Variants in KHDRBS2 observed in about 807,000 individuals in gnomAD.
The protein encoded by KHDRBS2 is KH domain-containing, RNA-binding, signal transduction-associated protein 2.
A neutral mutation model predicts 44.3 loss-of-function variants in KHDRBS2; 26 were observed. The observed-to-expected ratio is 0.59, with a 90% CI of 0.43 to 0.81. The LOEUF (loss-of-function observed/expected upper bound fraction) is 0.81. Among genes scored for constraint, KHDRBS2 ranks in the 40% least tolerant of loss-of-function variants. The pLI is 0.00. For missense variants in KHDRBS2, 476 were observed against 433.1 expected (o/e 1.10, Z -0.88); for synonymous variants, 194 against 151.1 (o/e 1.28, Z -2.08).
the KHDRBS2 span, among the ~76,000 whole-genome samples, chr6:61,617,010 G>A: frequency 6.6e-6 from 1 of 151,868 alleles, no homozygotes; most frequent in African/African-American, 2.4e-5. Context: ...TGGAACATTG[G>A]AATGAGATCA....
At chr6:61,926,204 A>G (rs766806411) in intron 4 of KHDRBS2, among the ~76,000 whole-genome samples, 5 of 152,176 alleles carry the variant, frequency 3.3e-5, no homozygotes, top group Non-Finnish European at 7.4e-5. Context: ...AGGAGAAACC[A>G]TATGTGTAAA....
intron 1 of KHDRBS2, among the ~76,000 whole-genome samples, chr6:62,253,284 C>T (rs553888873): frequency 4.8e-4 from 73 of 151,828 alleles, no homozygotes; most frequent in Non-Finnish European, 7.7e-4. Flanking sequence ...AGGTTTTTTG[C>T]TTTGTATATG....
At chr6:61,663,706 T>C in the KHDRBS2 span, among the ~76,000 whole-genome samples, 1 of 150,686 alleles carries the variant, frequency 6.6e-6, no homozygotes, top group Non-Finnish European at 1.5e-5. Context: ...ATGTCCTCTA[T>C]TAACTGAAAA....
the KHDRBS2 span, among the ~76,000 whole-genome samples, chr6:61,650,898 G>C: frequency 2.0e-5 from 3 of 152,044 alleles, no homozygotes; most frequent in Non-Finnish European, 4.4e-5. Context: ...AAAAATATCT[G>C]AGAATCCTGA....
At chr6:61,664,393 C>A in the KHDRBS2 span, among the ~76,000 whole-genome samples, 3 of 151,352 alleles carry the variant, frequency 2.0e-5, no homozygotes, top group Admixed American at 6.6e-5. Flanking sequence ...TTAACAATAC[C>A]CCTTATTGTC....
At chr6:62,282,283 C>G (rs763376815) in intron 1 of KHDRBS2, among the ~76,000 whole-genome samples, 22 of 152,104 alleles carry the variant, frequency 1.4e-4, no homozygotes, top group Non-Finnish European at 3.1e-4. Context: ...AAGGCCAAGT[C>G]TAGATGGCAG....
chr6:62,071,662 AT>A (rs1795128517), intron 2 of KHDRBS2, among the ~76,000 whole-genome samples: 1 of 151,876 alleles, frequency 6.6e-6, no homozygotes, highest in African/African-American at 2.4e-5. Context: ...GATATGTGGC[AT>A]TATTTCTGAG....
At chr6:61,918,355 C>T (rs1807410398) in intron 4 of KHDRBS2, among the ~76,000 whole-genome samples, 1 of 151,800 alleles carries the variant, frequency 6.6e-6, no homozygotes, top group Non-Finnish European at 1.5e-5. Context: ...GAATTATGTC[C>T]CCCTCCCAAA....
At chr6:61,991,941 T>G (rs1776216209) in intron 3 of KHDRBS2, among the ~76,000 whole-genome samples, 1 of 152,182 alleles carries the variant, frequency 6.6e-6, no homozygotes, top group Non-Finnish European at 1.5e-5. Flanking sequence ...CAATGTCATA[T>G]GGAATGTTTT....
the KHDRBS2 span, among the ~76,000 whole-genome samples, chr6:61,560,168 G>C: frequency 1.3e-5 from 2 of 152,102 alleles, no homozygotes; most frequent in Non-Finnish European, 2.9e-5. Context: ...AAAGTTTGCT[G>C]TTAGACATAT....
chr6:61,754,253 A>G (rs1456887689), intron 6 of KHDRBS2, among the ~76,000 whole-genome samples: 3 of 152,168 alleles, frequency 2.0e-5, no homozygotes, highest in African/African-American at 7.2e-5. Flanking sequence ...AAAACAATTA[A>G]GCCAAGGGGT....
chr6:62,048,121 T>TACACACATACAC (rs1788127412), intron 2 of KHDRBS2, 127 bp from the exon 3 acceptor site: 1 of 389,516 alleles, frequency 2.6e-6, no homozygotes, highest in Non-Finnish European at 4.8e-6. Context: ...GCCATAAACA[T>TACACACATACAC]ACACACACAC....
At chr6:61,780,232 G>A (rs1782722901) in intron 6 of KHDRBS2, among the ~76,000 whole-genome samples, 1 of 152,156 alleles carries the variant, frequency 6.6e-6, no homozygotes, top group African/African-American at 2.4e-5. Context: ...CGGATGCGGT[G>A]GCTCATGCCT....
chr6:61,686,409 G>A (rs1379335615), intron 8 of KHDRBS2, among the ~76,000 whole-genome samples: 1 of 151,714 alleles, frequency 6.6e-6, no homozygotes, highest in Non-Finnish European at 1.5e-5. Flanking sequence ...TTTCTAAGGA[G>A]TATTATTCTA....
At chr6:62,202,587 G>A (rs1367131615) in intron 1 of KHDRBS2, among the ~76,000 whole-genome samples, 2 of 151,988 alleles carry the variant, frequency 1.3e-5, no homozygotes, top group East Asian at 3.9e-4. Context: ...GCCTTGGGTA[G>A]TCTACTGTTA....
intron 6 of KHDRBS2, among the ~76,000 whole-genome samples, chr6:61,876,503 T>TAA (rs34268462): frequency 6.6e-6 from 1 of 151,568 alleles, no homozygotes; most frequent in East Asian, 1.9e-4. Context: ...TACATTCTTC[T>TAA]AAAAAAATAT....
the KHDRBS2 span, among the ~76,000 whole-genome samples, chr6:61,595,099 T>G: frequency 6.6e-6 from 1 of 152,164 alleles, no homozygotes; most frequent in Non-Finnish European, 1.5e-5. Context: ...AATCTTTTAC[T>G]ATTTCTTTTT....
At chr6:61,955,468 A>ATGCATACATGTG (rs1766751142) in intron 4 of KHDRBS2, among the ~76,000 whole-genome samples, 1 of 71,944 alleles carries the variant, frequency 1.4e-5, no homozygotes, top group Non-Finnish European at 2.7e-5. Context: ...ACATATGTGT[A>ATGCATACATGTG]TATATACACA....
At chr6:61,820,129 G>A (rs1332003617) in intron 6 of KHDRBS2, among the ~76,000 whole-genome samples, 1 of 152,032 alleles carries the variant, frequency 6.6e-6, no homozygotes, top group East Asian at 1.9e-4. Flanking sequence ...CAGAAAGAAA[G>A]TTAATGGAGA....
Sources: gnomAD v4.1 joint callset for allele counts (sites outside exome capture counted in the v4.1 genomes callset) on GRCh38, gnomAD v4.1.1 for gene constraint, MANE v1.5 for transcripts, NCBI Gene and HGNC (gene_info 2026-07-23, HGNC 2026-07-21) for gene names.